DOCK10: variants seen among roughly 807,000 people sequenced by gnomAD.
DOCK10 encodes dedicator of cytokinesis protein 10.
A neutral mutation model predicts 280.1 loss-of-function variants in DOCK10; 145 were observed. That is an observed-to-expected ratio of 0.52 (90% CI 0.45 to 0.59). DOCK10 has a LOEUF of 0.59. DOCK10 is among the 20% of genes least tolerant of loss of function. The probability of loss-of-function intolerance (pLI) is 0.00; values close to 1 mark genes in which losing one functional copy is unlikely to be tolerated. For missense variants in DOCK10, 2,368 were observed against 2,651.7 expected (o/e 0.89, Z 2.35); for synonymous variants, 915 against 942.2 (o/e 0.97, Z 0.53).
At chr2:224,944,014 T>C (rs1046831652) in intron 1 of DOCK10, among the ~76,000 whole-genome samples, 2 of 152,186 alleles carry the variant, frequency 1.3e-5, no homozygotes, top group Non-Finnish European at 2.9e-5. Flanking sequence ...CCACTTGCCT[T>C]GGCCTCCCAA....
intron 26 of DOCK10, among the ~76,000 whole-genome samples, chr2:224,831,625 A>G (rs1274292641): frequency 1.3e-5 from 2 of 152,250 alleles, no homozygotes; most frequent in African/African-American, 4.8e-5. Flanking sequence ...TGCAGGCCCA[A>G]TGATAAGAGC....
intron 1 of DOCK10, chr2:224,946,719 G>T: frequency 1.8e-6 from 1 of 560,334 alleles, no homozygotes; most frequent in Non-Finnish European, 2.9e-6. Flanking sequence ...GACCCAAATG[G>T]AATCTTCTGT....
intron 3 of DOCK10, among the ~76,000 whole-genome samples, chr2:224,899,626 T>G (rs1460402112): frequency 2.0e-5 from 3 of 152,166 alleles, no homozygotes; most frequent in Non-Finnish European, 4.4e-5. Context: ...AGGTGAGACT[T>G]GAGCAAAGAT....
At chr2:224,886,223 G>A in intron 5 of DOCK10, 38 bp from the exon 6 acceptor site, 1 of 1,613,100 alleles carries the variant, frequency 6.2e-7, no homozygotes, top group Non-Finnish European at 8.5e-7. Flanking sequence ...GCCATCTTTT[G>A]TGGATCCTAG....
chr2:224,939,571 TATC>T (rs1238670336), intron 1 of DOCK10, among the ~76,000 whole-genome samples: 2 of 152,198 alleles, frequency 1.3e-5, no homozygotes, highest in East Asian at 1.9e-4. Flanking sequence ...TGATAATAAA[TATC>T]ATTAAAAATA....
intron 1 of DOCK10, among the ~76,000 whole-genome samples, chr2:225,017,569 C>G (rs166842): frequency 0.8 from 120,837 of 151,896 alleles, 48,207 homozygotes; most frequent in Middle Eastern, 0.89. Context: ...CAACATACAT[C>G]CTTCTCCAGC....
At chr2:224,943,871 C>T (rs750920567) in intron 1 of DOCK10, among the ~76,000 whole-genome samples, 32 of 144,280 alleles carry the variant, frequency 2.2e-4, no homozygotes, top group Middle Eastern at 4.2e-3. Context: ...TCAAGTGATT[C>T]TTCTGCCTTA....
intron 27 of DOCK10, among the ~76,000 whole-genome samples, chr2:224,827,345 G>A (rs1694937924): frequency 1.3e-5 from 2 of 152,080 alleles, no homozygotes; most frequent in South Asian, 4.1e-4. Context: ...AGAGTGGAAG[G>A]TGCAGGGCTC....
Position 224,775,160 on chromosome 2 carries a change from C to T in DOCK10, c.5803-45G>A, listed in dbSNP as rs147390351. ...GCAAAGTGAGTGGTGTGCCCTGGAG[C>T]GCTCTGAAAGCGGGAAGCTCCCATT... On this transcript the variant is annotated intron_variant, in intron 51 of 55. Coordinates refer to ENST00000258390, the MANE Select transcript of DOCK10 (RefSeq NM_014689.3). The T allele has an allele frequency of 6.4e-4, 1,011 of 1,579,464 alleles. 14 individuals carry two copies. The African/African-American group carries it at 0.01, about 16-fold the overall frequency.
intron 2 of DOCK10, among the ~76,000 whole-genome samples, chr2:224,929,502 T>A (rs1702206912): frequency 6.6e-6 from 1 of 152,146 alleles, no homozygotes; most frequent in South Asian, 2.1e-4. Context: ...GGCTATGGCT[T>A]TGAGAAATGG....
Position 224,805,721 on chromosome 2 carries a change from A to G in DOCK10, c.3815-192T>C, listed in dbSNP as rs1392974305. Among the ~76,000 whole-genome samples, 3 of 152,172 alleles carry G rather than the reference A, an allele frequency of 2.0e-5. No homozygotes were observed. The highest frequency in any genetic ancestry group is 2.4e-5 in the African/African-American group (1 of 41,456). Reference sequence around the variant, plus strand: ...TAAAAATGCTTTAGTAAAAGTTCATAAAGATACTTTTGGGAAGGGGCTTTC... The same window carrying G: ...TAAAAATGCTTTAGTAAAAGTTCATGAAGATACTTTTGGGAAGGGGCTTTC... On this transcript the variant is annotated intron_variant, in intron 34 of 55. Coordinates refer to ENST00000258390, the MANE Select transcript of DOCK10 (RefSeq NM_014689.3). This position sits in a 1 kb window ranked among gnomAD's most constrained non-coding sequence, Gnocchi z 4.3.
At chr2:224,795,140 A>G in intron 44 of DOCK10, 46 bp from the exon 45 acceptor site, 1 of 1,547,532 alleles carries the variant, frequency 6.5e-7, no homozygotes, top group Middle Eastern at 1.7e-4. Flanking sequence ...TAGAATCTAT[A>G]GGTTAACTGA....
At chr2:224,850,901 CTCTTT>C (rs1174387095) in intron 18 of DOCK10, among the ~76,000 whole-genome samples, 1 of 152,160 alleles carries the variant, frequency 6.6e-6, no homozygotes, top group Non-Finnish European at 1.5e-5. Context: ...TCTATTAAAT[CTCTTT>C]TCTTTATAAA....
At position 224,769,174 on chromosome 2, in the gene DOCK10, C is replaced by T. The variant is rs564786224; in HGVS notation, c.6444+1037G>A. ...ATAGCCTAAACCAATACTACCTCCA[C>T]GAGGAATCCTATCTACGGCAATTCA... On this transcript the variant is annotated intron_variant, in intron 55 of 55. Transcript: ENST00000258390. Among the ~76,000 whole-genome samples the T allele has an allele frequency of 2.6e-5, 4 of 152,302 alleles. No individual in the cohort carries two copies. In the East Asian group the frequency reaches 5.8e-4, roughly 22 times the overall value.
chr2:224,873,893 G>T, intron 11 of DOCK10, 103 bp downstream of exon 11: 1 of 1,215,794 alleles, frequency 8.2e-7, no homozygotes, highest in Non-Finnish European at 1.1e-6. Context: ...ACACTAGAGA[G>T]TGAGAAATCA....
At chr2:224,774,012 T>C (rs1690646284) in intron 52 of DOCK10, among the ~76,000 whole-genome samples, 1 of 152,198 alleles carries the variant, frequency 6.6e-6, no homozygotes, top group African/African-American at 2.4e-5. Flanking sequence ...TAACCCACAA[T>C]ACAGAATGCC....
At chr2:224,865,689 T>C (rs1473464300) in intron 11 of DOCK10, among the ~76,000 whole-genome samples, 3 of 152,184 alleles carry the variant, frequency 2.0e-5, no homozygotes, top group Non-Finnish European at 4.4e-5. Flanking sequence ...GAGGAGTTGA[T>C]ATCTTAGTTG....
At chr2:224,853,430 AG>A (rs1389005295) in intron 16 of DOCK10, among the ~76,000 whole-genome samples, 2 of 152,240 alleles carry the variant, frequency 1.3e-5, no homozygotes, top group African/African-American at 4.8e-5. Flanking sequence ...CTCTGAACAT[AG>A]TAGCCAGATA....
chr2:224,961,242 T>C (rs1195341518), intron 1 of DOCK10, among the ~76,000 whole-genome samples: 1 of 152,162 alleles, frequency 6.6e-6, no homozygotes, highest in African/African-American at 2.4e-5. Context: ...AGATTTACAA[T>C]GGCAACTAAA....
Sources: allele counts gnomAD v4.1 joint callset (sites outside exome capture counted in the v4.1 genomes callset), GRCh38; gene constraint gnomAD v4.1.1; non-coding constraint Gnocchi (gnomAD v3.1); transcripts MANE v1.5; gene names NCBI Gene and HGNC (gene_info 2026-07-23, HGNC 2026-07-21).